Variants in SASH1 observed in about 807,000 individuals in gnomAD.
The protein encoded by SASH1 is SAM and SH3 domain containing 1, also known as SAM and SH3 domain-containing protein 1.
In SASH1, 44 loss-of-function variants were observed where a neutral mutation model predicts 125.2. The ratio of observed to expected loss-of-function variants is 0.35; its 90% CI spans 0.28 to 0.45. SASH1 has a LOEUF of 0.45. Ranked by LOEUF, SASH1 falls within the 20% of genes least tolerant of loss-of-function variation. The pLI, the probability that SASH1 is intolerant of heterozygous loss-of-function variation, is 1.00. For missense variants in SASH1, 1,426 were observed against 1,614.5 expected, an observed-to-expected ratio of 0.88 and a Z score of 2.00; for synonymous variants, 639 against 649.1, an observed-to-expected ratio of 0.98 and a Z score of 0.24.
the SASH1 span, among the ~76,000 whole-genome samples, chr6:148,225,197 T>C: frequency 3.9e-5 from 6 of 152,342 alleles, no homozygotes; most frequent in African/African-American, 1.4e-4. Flanking sequence ...ACACTTCAGA[T>C]ACCAGTTTTA....
chr6:148,412,820 C>T (rs552244891), intron 2 of SASH1, among the ~76,000 whole-genome samples: 34 of 152,222 alleles, frequency 2.2e-4, no homozygotes, highest in Non-Finnish European at 4.7e-4. Context: ...AACTATATCA[C>T]TAGGATGCTA....
At chr6:148,352,903 G>T (rs1023769682) in intron 1 of SASH1, among the ~76,000 whole-genome samples, 3 of 152,232 alleles carry the variant, frequency 2.0e-5, no homozygotes, top group Non-Finnish European at 4.4e-5. Flanking sequence ...CTGGGAGGTG[G>T]AGGTTGCAGT....
chr6:148,393,485 A>G (rs1481378508), intron 2 of SASH1, among the ~76,000 whole-genome samples: 1 of 152,168 alleles, frequency 6.6e-6, no homozygotes, highest in Admixed American at 6.5e-5. Flanking sequence ...ACACAACACT[A>G]AACTGCTCTT....
intron 2 of SASH1, among the ~76,000 whole-genome samples, chr6:148,398,533 G>A (rs1562380304): frequency 6.6e-6 from 1 of 152,144 alleles, no homozygotes; most frequent in African/African-American, 2.4e-5. Flanking sequence ...AAGGAACACA[G>A]GTCTGCCCCC....
intron 4 of SASH1, among the ~76,000 whole-genome samples, chr6:148,465,394 A>G (rs577406578): frequency 2.0e-5 from 3 of 152,228 alleles, no homozygotes; most frequent in East Asian, 1.9e-4. Flanking sequence ...TCTACTAAAA[A>G]TACAAAAATT....
At chr6:148,491,178 C>T (rs2115225269) in intron 8 of SASH1, among the ~76,000 whole-genome samples, 1 of 152,312 alleles carries the variant, frequency 6.6e-6, no homozygotes. Context: ...ATAGTGACCC[C>T]CTTGGGCAAG....
chr6:148,476,917 T>C (rs1419867146), intron 7 of SASH1, among the ~76,000 whole-genome samples: 3 of 152,188 alleles, frequency 2.0e-5, no homozygotes, highest in Non-Finnish European at 4.4e-5. Context: ...CCCGTGCATC[T>C]GCAGTGAACT....
chr6:148,242,084 C>G, the SASH1 span, among the ~76,000 whole-genome samples: 1 of 152,188 alleles, frequency 6.6e-6, no homozygotes, highest in Non-Finnish European at 1.5e-5. Context: ...GTTGTTTCCA[C>G]ACACGGACAT....
At chr6:148,330,184 C>T (rs1219513658) in intron 1 of SASH1, among the ~76,000 whole-genome samples, 3 of 152,310 alleles carry the variant, frequency 2.0e-5, no homozygotes, top group African/African-American at 4.8e-5. Flanking sequence ...ATGCAAATGT[C>T]ATTAATCATA....
chr6:148,325,214 T>C (rs191593452), intron 1 of SASH1, among the ~76,000 whole-genome samples: 1 of 152,244 alleles, frequency 6.6e-6, no homozygotes, highest in Non-Finnish European at 1.5e-5. Flanking sequence ...GTTGTTCACA[T>C]GATACCAGGA....
chr6:148,406,280 T>C (rs1349385900), intron 2 of SASH1, among the ~76,000 whole-genome samples: 1 of 152,194 alleles, frequency 6.6e-6, no homozygotes, highest in Admixed American at 6.5e-5. Flanking sequence ...AGGACTTCAT[T>C]TGGGGGCCCA....
At chr6:148,297,053 G>T (rs1779783796) in intron 1 of SASH1, among the ~76,000 whole-genome samples, 1 of 152,190 alleles carries the variant, frequency 6.6e-6, no homozygotes, top group South Asian at 2.1e-4. Flanking sequence ...AAAATTTCTA[G>T]TATTTCCATA....
At chr6:148,403,014 T>G (rs1784237742) in intron 2 of SASH1, among the ~76,000 whole-genome samples, 1 of 152,152 alleles carries the variant, frequency 6.6e-6, no homozygotes, top group South Asian at 2.1e-4. Context: ...AGTAGAGATA[T>G]TCATTATAAA....
the SASH1 span, among the ~76,000 whole-genome samples, chr6:148,228,766 G>A: frequency 6.6e-6 from 1 of 152,128 alleles, no homozygotes; most frequent in African/African-American, 2.4e-5. Context: ...GAGAAAGACA[G>A]CATGCTTATT....
At chr6:148,289,750 A>T (rs1779576470) in intron 1 of SASH1, among the ~76,000 whole-genome samples, 1 of 152,164 alleles carries the variant, frequency 6.6e-6, no homozygotes, top group Non-Finnish European at 1.5e-5. Context: ...TTTGATAAAT[A>T]ACCAGAGAGT....
chr6:148,490,063 A>AAAC (rs543380036), intron 8 of SASH1, among the ~76,000 whole-genome samples: 2 of 132,736 alleles, frequency 1.5e-5, no homozygotes, highest in African/African-American at 5.2e-5. Context: ...CTTCTGCAAA[A>AAAC]AATAATAATA....
At chr6:148,283,763 A>G (rs1422289352) in intron 1 of SASH1, among the ~76,000 whole-genome samples, 1 of 151,338 alleles carries the variant, frequency 6.6e-6, no homozygotes, top group Non-Finnish European at 1.5e-5. Flanking sequence ...GAAGATCGAG[A>G]CTCTGTCTCA....
chr6:148,366,526 G>A (rs571944100), intron 1 of SASH1, among the ~76,000 whole-genome samples: 3 of 152,140 alleles, frequency 2.0e-5, no homozygotes, highest in African/African-American at 4.8e-5. Flanking sequence ...GTATAAGCTC[G>A]GCAAGCATTT....
chr6:148,346,978 T>G (rs951151333), intron 1 of SASH1, among the ~76,000 whole-genome samples: 13 of 152,190 alleles, frequency 8.5e-5, no homozygotes, highest in African/African-American at 3.1e-4. Context: ...TGAGTTAGAA[T>G]CCTGTGGAAT....
Sources: gnomAD v4.1 joint callset for allele counts (sites outside exome capture counted in the v4.1 genomes callset) on GRCh38, gnomAD v4.1.1 for gene constraint, MANE v1.5 for transcripts, NCBI Gene and HGNC (gene_info 2026-07-23, HGNC 2026-07-21) for gene names.